The following GNAQ variants were observed in gnomAD, a reference collection of about 807,000 sequenced individuals.
GNAQ encodes guanine nucleotide-binding protein G(q) subunit alpha.
Under a neutral mutation model 43.9 loss-of-function variants are expected in GNAQ, and 8 were observed. The ratio of observed to expected loss-of-function variants is 0.18; its 90% CI spans 0.11 to 0.33. The LOEUF (loss-of-function observed/expected upper bound fraction) is 0.33. Among genes scored for constraint, GNAQ ranks in the 10% least tolerant of loss-of-function variants. The pLI, the probability that GNAQ is intolerant of heterozygous loss-of-function variation, is 1.00. For missense variants in GNAQ, 158 were observed against 450.8 expected, an observed-to-expected ratio of 0.35 and a Z score of 5.88; for synonymous variants, 155 against 170.7, an observed-to-expected ratio of 0.91 and a Z score of 0.71.
intron 2 of GNAQ, among the ~76,000 whole-genome samples, chr9:77,867,460 C>G (rs1335920233): frequency 6.6e-6 from 1 of 152,170 alleles, no homozygotes; most frequent in African/African-American, 2.4e-5. Context: ...CAAAAAGGAC[C>G]AGGGCTGTGC....
chr9:77,718,633 T>C lies in GNAQ; in HGVS notation c.*2690A>G, dbSNP rs1825260195. 1 of 232,408 alleles carries C rather than the reference T, an allele frequency of 4.3e-6. No homozygotes were observed. The highest frequency in any genetic ancestry group is 6.1e-5 in the East Asian group (1 of 16,448). The allele number at this position is 232,408 out of a possible 1,614,324, so 14.4% of individuals were successfully genotyped here. ...CTACATTTACTATAGCTCTATTAAA[T>C]AGAATATCTTGATTCCCTAAAACTG... On this transcript the variant is annotated 3_prime_UTR_variant, in exon 7 of 7. Coordinates refer to ENST00000286548, the MANE Select transcript of GNAQ (RefSeq NM_002072.5).
chr9:78,015,519 T>A (rs188267581), intron 1 of GNAQ, among the ~76,000 whole-genome samples: 1 of 152,196 alleles, frequency 6.6e-6, no homozygotes, highest in African/African-American at 2.4e-5. Flanking sequence ...GGAAGCAGAT[T>A]AGCAGCAAAT....
At chr9:77,804,932 T>G (rs1826803024) in intron 3 of GNAQ, among the ~76,000 whole-genome samples, 1 of 151,634 alleles carries the variant, frequency 6.6e-6, no homozygotes, top group Non-Finnish European at 1.5e-5. Context: ...CTTTGGGGAG[T>G]TGAAAGCTAG....
At chr9:77,921,663 A>G (rs889545595) in intron 2 of GNAQ, among the ~76,000 whole-genome samples, 2 of 152,358 alleles carry the variant, frequency 1.3e-5, no homozygotes, top group Admixed American at 6.5e-5. Context: ...TGGAAGTGAC[A>G]GATGGACCTA....
intron 2 of GNAQ, among the ~76,000 whole-genome samples, chr9:77,907,139 T>C (rs1828722782): frequency 6.6e-6 from 1 of 152,254 alleles, no homozygotes; most frequent in Non-Finnish European, 1.5e-5. Context: ...AGGTGTTTCA[T>C]AATTCATGGG....
Position 77,786,965 on chromosome 9 carries a change from T to C in GNAQ, c.735+7498A>G, listed in dbSNP as rs530037439. On this transcript the variant is annotated intron_variant, in intron 5 of 6. Coordinates refer to ENST00000286548, the MANE Select transcript of GNAQ (RefSeq NM_002072.5). ...ATAAATAGTAAAATGGGTAAGTAAA[T>C]TGTGGAATTTTCATGCAACAGAATA... Among the ~76,000 whole-genome samples, 32 of 152,210 alleles carry C rather than the reference T, an allele frequency of 2.1e-4. 1 individual carries two copies. In the East Asian group the frequency reaches 6.0e-3, roughly 28 times the overall value.
In GNAQ at chr9:77,718,485, A is replaced by G. The variant is rs1490869591; in HGVS notation, c.*2838T>C. 1 of 232,546 alleles carries G rather than the reference A, an allele frequency of 4.3e-6. No individual in the cohort carries two copies. Among genetic ancestry groups the G allele is most frequent in the Admixed American group, 5.6e-5 (1 of 17,746 alleles). The allele number at this position is 232,546 out of a possible 1,614,324, so 14.4% of individuals were successfully genotyped here. ...GGGATCTTGTCATGCACCCTACAGGAACAGCGAAGCCACAAACCTCAATTC... is the reference window on the plus strand; with the variant it reads ...GGGATCTTGTCATGCACCCTACAGGGACAGCGAAGCCACAAACCTCAATTC... On this transcript the variant is annotated 3_prime_UTR_variant, in exon 7 of 7. Coordinates refer to ENST00000286548, the MANE Select transcript of GNAQ (RefSeq NM_002072.5).
chr9:77,820,319 A>T (rs1827092885), intron 2 of GNAQ, among the ~76,000 whole-genome samples: 1 of 152,206 alleles, frequency 6.6e-6, no homozygotes, highest in African/African-American at 2.4e-5. Flanking sequence ...TATTTATCAG[A>T]CTGTTTCACG....
intron 2 of GNAQ, among the ~76,000 whole-genome samples, chr9:77,883,617 T>C (rs1304112389): frequency 6.6e-6 from 1 of 152,052 alleles, no homozygotes; most frequent in Non-Finnish European, 1.5e-5. Context: ...ATTGAACCTA[T>C]AGGTAATTTT....
chr9:77,871,187 CAT>C (rs149393248), intron 2 of GNAQ, among the ~76,000 whole-genome samples: 114 of 152,292 alleles, frequency 7.5e-4, no homozygotes, highest in Middle Eastern at 3.4e-3. Context: ...TACAATTACA[CAT>C]GATAGCTAAG....
At chr9:77,898,779 A>C (rs1237565746) in intron 2 of GNAQ, among the ~76,000 whole-genome samples, 1 of 152,222 alleles carries the variant, frequency 6.6e-6, no homozygotes. Flanking sequence ...AACTGCTATT[A>C]AGAATTTATT....
Position 77,825,064 on chromosome 9 carries a change from A to G in GNAQ, c.322-9294T>C, listed in dbSNP as rs11145578. Among the ~76,000 whole-genome samples the G allele has an allele frequency of 1.3e-3, 205 of 152,320 alleles. No individual in the cohort carries two copies. The East Asian group carries it at 0.038, about 29-fold the overall frequency. On this transcript the variant is annotated intron_variant, in intron 2 of 6. Transcript: ENST00000286548. ...GAAGCAGAAGATTTGTGTCTTTCGT[A>G]TTTTGTGTGGTTGATTATATTCATG...
At chr9:77,836,389 G>C (rs1451970632) in intron 2 of GNAQ, among the ~76,000 whole-genome samples, 1 of 152,152 alleles carries the variant, frequency 6.6e-6, no homozygotes, top group East Asian at 1.9e-4. Flanking sequence ...TGAAAATGTA[G>C]ATATGCTTGC....
intron 5 of GNAQ, among the ~76,000 whole-genome samples, chr9:77,760,477 G>A (rs914945720): frequency 9.9e-5 from 15 of 152,220 alleles, no homozygotes; most frequent in African/African-American, 3.1e-4. Flanking sequence ...TGGAGGTGCC[G>A]GGATTGCAGA....
intron 1 of GNAQ, among the ~76,000 whole-genome samples, chr9:77,961,577 G>C (rs141269471): frequency 3.1e-4 from 47 of 152,264 alleles, no homozygotes; most frequent in Middle Eastern, 3.4e-3. Context: ...GCACCACAAA[G>C]AAGGAATCAG....
intron 1 of GNAQ, among the ~76,000 whole-genome samples, chr9:77,948,625 C>T (rs569315905): frequency 6.6e-6 from 1 of 152,180 alleles, no homozygotes; most frequent in African/African-American, 2.4e-5. Context: ...GAAAGAACGA[C>T]CGCTACTGTT....
intron 5 of GNAQ, among the ~76,000 whole-genome samples, chr9:77,758,727 T>G (rs1161211890): frequency 6.6e-6 from 1 of 152,196 alleles, no homozygotes; most frequent in Non-Finnish European, 1.5e-5. Flanking sequence ...CTTTTAAAAC[T>G]GTTCTATGTC....
intron 1 of GNAQ, among the ~76,000 whole-genome samples, chr9:77,934,044 C>A (rs182661210): frequency 4.1e-4 from 62 of 152,224 alleles, no homozygotes; most frequent in Admixed American, 8.5e-4. Flanking sequence ...GAGGAAAAGG[C>A]CTAAGATGGA....
intron 2 of GNAQ, among the ~76,000 whole-genome samples, chr9:77,864,119 C>A (rs1044375885): frequency 6.6e-6 from 1 of 151,464 alleles, no homozygotes; most frequent in Non-Finnish European, 1.5e-5. Flanking sequence ...GGGAAGCAGG[C>A]ACCACATGGC....
Sources: allele counts gnomAD v4.1 joint callset (sites outside exome capture counted in the v4.1 genomes callset), GRCh38; gene constraint gnomAD v4.1.1; transcripts MANE v1.5; gene names NCBI Gene and HGNC (gene_info 2026-07-23, HGNC 2026-07-21).